ERC2: variants seen among roughly 807,000 people sequenced by gnomAD.
The protein encoded by ERC2 is ELKS/RAB6-interacting/CAST family member 2.
A neutral mutation model predicts 114.8 loss-of-function variants in ERC2; 42 were observed. The observed-to-expected ratio is 0.37, with a 90% CI of 0.29 to 0.47. The LOEUF is 0.47. Among genes scored for constraint, ERC2 ranks in the 20% least tolerant of loss-of-function variants. ERC2 has a pLI of 0.99. For missense variants in ERC2, 939 were observed against 1,150.7 expected, an observed-to-expected ratio of 0.82 and a Z score of 2.66; for synonymous variants, 454 against 425.5, an observed-to-expected ratio of 1.07 and a Z score of -0.82.
chr3:55,831,530 G>A (rs1206368695), intron 14 of ERC2, among the ~76,000 whole-genome samples: 1 of 152,008 alleles, frequency 6.6e-6, no homozygotes, highest in Admixed American at 6.6e-5. Flanking sequence ...AAAGGAGGCA[G>A]GGGAAAACAC....
intron 3 of ERC2, among the ~76,000 whole-genome samples, chr3:56,200,098 G>C (rs2150092256): frequency 6.6e-6 from 1 of 152,214 alleles, no homozygotes; most frequent in South Asian, 2.1e-4. Flanking sequence ...TCAAGAGTTA[G>C]GGTTACTGTG....
At chr3:56,451,414 C>G (rs1177625684) in intron 1 of ERC2, among the ~76,000 whole-genome samples, 2 of 151,428 alleles carry the variant, frequency 1.3e-5, no homozygotes, top group African/African-American at 4.9e-5. Context: ...AGGAATGGCT[C>G]CAATGGGCAA....
intron 15 of ERC2, among the ~76,000 whole-genome samples, chr3:55,733,960 C>T (rs815453): frequency 0.81 from 123,769 of 152,236 alleles, 50,653 homozygotes; most frequent in African/African-American, 0.9. Flanking sequence ...TGAATATCTT[C>T]AATCATTGCT....
At chr3:55,948,124 C>A (rs531300378) in intron 13 of ERC2, among the ~76,000 whole-genome samples, 1 of 152,142 alleles carries the variant, frequency 6.6e-6, no homozygotes, top group African/African-American at 2.4e-5. Flanking sequence ...ACTTTGTTTC[C>A]GACTTTCATA....
At chr3:56,330,769 C>G (rs1203825321) in intron 2 of ERC2, among the ~76,000 whole-genome samples, 1 of 152,120 alleles carries the variant, frequency 6.6e-6, no homozygotes, top group African/African-American at 2.4e-5. Context: ...ATCTGAAACA[C>G]TTCTGGTCCC....
chr3:56,108,629 TTAAAC>T (rs1344878563), intron 6 of ERC2, among the ~76,000 whole-genome samples: 1 of 152,116 alleles, frequency 6.6e-6, no homozygotes, highest in East Asian at 1.9e-4. Context: ...TCATATTTAC[TTAAAC>T]TAATCAATTC....
At chr3:56,311,230 CTTCTCTCTCTCTCTCTCTCT>C (rs1199366833) in intron 2 of ERC2, among the ~76,000 whole-genome samples, 1 of 29,234 alleles carries the variant, frequency 3.4e-5, no homozygotes, top group African/African-American at 1.2e-4. Flanking sequence ...TATCCATCAT[CTTCTCTCTCTCTCTCTCTCT>C]CTCTCTATAT....
At chr3:56,370,602 T>G (rs553361526) in intron 2 of ERC2, among the ~76,000 whole-genome samples, 280 of 149,496 alleles carry the variant, frequency 1.9e-3, no homozygotes, top group African/African-American at 4.3e-3. Flanking sequence ...TTTGTTTTTT[T>G]TTTTTTTTTT....
chr3:56,104,904 G>A (rs62255403), intron 6 of ERC2, among the ~76,000 whole-genome samples: 19,698 of 152,050 alleles, frequency 0.13, 1,564 homozygotes, highest in South Asian at 0.27. Context: ...TATATAGAAC[G>A]CTAGAAAATG....
intron 3 of ERC2, among the ~76,000 whole-genome samples, chr3:56,176,457 A>T (rs2082984903): frequency 6.6e-6 from 1 of 152,222 alleles, no homozygotes; most frequent in Admixed American, 6.5e-5. Flanking sequence ...AATAATGGAA[A>T]CAGAGTTCTC....
At chr3:55,820,883 A>C (rs1410372257) in intron 14 of ERC2, among the ~76,000 whole-genome samples, 1 of 152,252 alleles carries the variant, frequency 6.6e-6, no homozygotes, top group Admixed American at 6.5e-5. Flanking sequence ...CTGCGCTGGC[A>C]TAAGTGTAAC....
intron 2 of ERC2, among the ~76,000 whole-genome samples, chr3:56,302,709 C>T (rs1208195947): frequency 6.6e-6 from 1 of 152,198 alleles, no homozygotes; most frequent in Non-Finnish European, 1.5e-5. Flanking sequence ...CATCTTGTTA[C>T]CTACAGCAAG....
chr3:55,686,864 GAAGA>G (rs1201961679), intron 16 of ERC2, among the ~76,000 whole-genome samples: 1 of 152,140 alleles, frequency 6.6e-6, no homozygotes. Flanking sequence ...ATCTGGATGG[GAAGA>G]AAGACTCTAG....
chr3:55,598,295 G>A (rs2058243769), intron 17 of ERC2, among the ~76,000 whole-genome samples: 1 of 152,168 alleles, frequency 6.6e-6, no homozygotes, highest in Non-Finnish European at 1.5e-5. Context: ...ATAGTTCATT[G>A]ACTCAAAATC....
chr3:56,363,657 T>C (rs1470892679), intron 2 of ERC2, among the ~76,000 whole-genome samples: 1 of 152,176 alleles, frequency 6.6e-6, no homozygotes, highest in Non-Finnish European at 1.5e-5. Context: ...GAAAAGTATT[T>C]AATCTATCAA....
chr3:55,674,911 G>C (rs1267034750), intron 17 of ERC2, among the ~76,000 whole-genome samples: 1 of 152,168 alleles, frequency 6.6e-6, no homozygotes, highest in East Asian at 1.9e-4. Context: ...CACACGGTGA[G>C]GTTGCAAACG....
intron 1 of ERC2, among the ~76,000 whole-genome samples, chr3:56,451,670 C>T (rs370782796): frequency 7.2e-5 from 11 of 152,238 alleles, no homozygotes; most frequent in African/African-American, 2.6e-4. Context: ...AATCTCTTGT[C>T]TATGAATGGA....
chr3:56,256,550 A>ATT lies in ERC2; in HGVS notation c.1074+39467_1074+39468dup, dbSNP rs547404735. 6.5e-3 allele frequency among the ~76,000 whole-genome samples: 955 copies of ATT among 146,744 alleles called. 8 individuals are homozygous for ATT. Among genetic ancestry groups the ATT allele is most frequent in the African/African-American group, 0.022 (905 of 40,348 alleles). On this transcript the variant is annotated intron_variant, in intron 3 of 17. Transcript: ENST00000288221. Reference sequence around the variant, plus strand: ...GTAACCAGTGACTTAATTTCCAGGAATTTTTTTTTTTTTATGGGAGGCAGC... The same window carrying ATT: ...GTAACCAGTGACTTAATTTCCAGGAATTTTTTTTTTTTTTTATGGGAGGCAGC...
At chr3:55,618,610 TATA>T (rs1376966569) in intron 17 of ERC2, among the ~76,000 whole-genome samples, 70 of 152,326 alleles carry the variant, frequency 4.6e-4, no homozygotes, top group African/African-American at 1.5e-3. Flanking sequence ...ACATTTATAA[TATA>T]ATCCCATTCT....
Sources: gnomAD v4.1 joint callset for allele counts (sites outside exome capture counted in the v4.1 genomes callset) on GRCh38, gnomAD v4.1.1 for gene constraint, MANE v1.5 for transcripts, NCBI Gene and HGNC (gene_info 2026-07-23, HGNC 2026-07-21) for gene names.